Variants in MRPL19 observed in about 807,000 individuals in gnomAD.
MRPL19 encodes large ribosomal subunit protein bL19m.
A neutral mutation model predicts 34.0 loss-of-function variants in MRPL19; 31 were observed. That is an observed-to-expected ratio of 0.91 (90% confidence interval 0.68 to 1.23). The LOEUF (loss-of-function observed/expected upper bound fraction) is 1.23, where lower values mean the gene tolerates loss of function less well. MRPL19 is among the 50% of genes most tolerant of loss of function. The pLI, the probability that MRPL19 is intolerant of heterozygous loss-of-function variation, is 0.00. For missense variants in MRPL19, 384 were observed against 367.6 expected (o/e 1.04, Z -0.37); for synonymous variants, 152 against 127.7 (o/e 1.19, Z -1.28).
chr2:75,652,455 C>T, intron 3 of MRPL19, 68 bp from the exon 4 acceptor site: 1 of 1,541,964 alleles, frequency 6.5e-7, no homozygotes, highest in South Asian at 1.2e-5. Flanking sequence ...GTTTCTGCAT[C>T]TTATATAAAG....
chr2:75,647,193 G>T lies in MRPL19; in HGVS notation c.195G>T (p.Lys65Asn). Residue 65 changes from lysine to asparagine, a missense_variant, in exon 2 of 6, where the codon AAG becomes AAT. Lys to Asn is a moderately conservative substitution (Grantham distance 94). Coordinates refer to ENST00000393909, the MANE Select transcript of MRPL19 (RefSeq NM_014763.4). ...QPPPKPVIVD[K>N]HRPVEPERRF... ...CGCCGAAACCGGTCATCGTGGACAA[G>T]CACCGCCCCGTGGAACCGGAACGCA... The T allele has an allele frequency of 6.3e-7, 1 of 1,580,718 alleles. No individual in the cohort carries two copies. The highest frequency in any genetic ancestry group is 1.2e-5 in the South Asian group (1 of 86,226).
rs562918315 is a variant in MRPL19, at chr2:75,654,675, T to A, written c.476-61T>A. The A allele has an allele frequency of 2.0e-6, 3 of 1,483,730 alleles. No individual in the cohort carries two copies. The South Asian group carries it at 3.9e-5, about 19-fold the overall frequency. The allele number at this position is 1,483,730 out of a possible 1,614,324, so 91.9% of individuals were successfully genotyped here. On this transcript the variant is annotated intron_variant, in intron 4 of 5. Transcript: ENST00000393909. ...CCTTTATGAAATGCTTTTACTGCAG[T>A]ATGAAACATGTATAGGAACGTGGAC...
At chr2:75,650,583 G>C (rs561226334) in intron 2 of MRPL19, among the ~76,000 whole-genome samples, 1 of 152,182 alleles carries the variant, frequency 6.6e-6, no homozygotes, top group East Asian at 1.9e-4. Flanking sequence ...GGCCAGAGGA[G>C]AAAAGGAAGG....
chr2:75,653,190 A>G (rs970653865), intron 4 of MRPL19, among the ~76,000 whole-genome samples: 1 of 152,256 alleles, frequency 6.6e-6, no homozygotes, highest in African/African-American at 2.4e-5. Flanking sequence ...TTATTAATTA[A>G]AATGGCAGGA....
At chr2:75,650,936 A>G (rs1454816538) in intron 2 of MRPL19, among the ~76,000 whole-genome samples, 1 of 152,132 alleles carries the variant, frequency 6.6e-6, no homozygotes, top group Non-Finnish European at 1.5e-5. Flanking sequence ...GCAAGGAAGC[A>G]CACTAGAAAG....
rs1678487626 is a variant in MRPL19 at position 75,657,555 on chromosome 2, G to C, written c.*2270G>C. On this transcript the variant is annotated 3_prime_UTR_variant, in exon 6 of 6. Coordinates refer to ENST00000393909, the MANE Select transcript of MRPL19 (RefSeq NM_014763.4). Reference sequence around the variant, plus strand: ...CTCAAAAGAACCTCTCAAAATAAAAGGTTAACAAGAGCCTATATCTTATAT... The same window carrying C: ...CTCAAAAGAACCTCTCAAAATAAAACGTTAACAAGAGCCTATATCTTATAT... The C allele has an allele frequency of 6.6e-6, 1 of 152,078 alleles. No individual in the cohort carries two copies. The highest frequency in any genetic ancestry group is 1.5e-5 in the Non-Finnish European group (1 of 67,986). 9.4% of individuals were successfully genotyped at this position (152,078 alleles called of 1,614,324 possible).
intron 2 of MRPL19, chr2:75,651,463 G>C: frequency 1.9e-6 from 1 of 533,272 alleles, no homozygotes; most frequent in Non-Finnish European, 3.8e-6. Context: ...TCCATCAAAG[G>C]AAGAGCTAGT....
At position 75,652,137 on chromosome 2, in the gene MRPL19, T is replaced by C. The variant is rs761258244; in HGVS notation, c.222-5T>C. ...CTTTTAATTATTTATTTGTATTTTTTACAGGTTCTTGAGTCCTGAATTCAT... is the reference window on the plus strand; with the variant it reads ...CTTTTAATTATTTATTTGTATTTTTCACAGGTTCTTGAGTCCTGAATTCAT... On this transcript the variant is annotated splice_polypyrimidine_tract_variant and splice_region_variant and intron_variant, in intron 2 of 5. Transcript: ENST00000393909. The C allele has an allele frequency of 5.3e-6, 8 of 1,496,176 alleles. No homozygotes were observed. The South Asian group carries it at 1.0e-4, about 19-fold the overall frequency. The allele number at this position is 1,496,176 out of a possible 1,614,324, so 92.7% of individuals were successfully genotyped here. A position where few individuals can be genotyped will look rare whatever the true frequency, so the allele number is the denominator to read the frequency against.
rs568040462 is a variant in MRPL19, at chr2:75,648,502, CA to C, written c.221+1286del. On this transcript the variant is annotated intron_variant, in intron 2 of 5. Transcript: ENST00000393909. ...CACTTTTAAACATGGAAGATTTTCA[CA>C]AATCTGTGTGTAAAAAAAACCTTTA... Among the ~76,000 whole-genome samples the C allele has an allele frequency of 1.8e-3, 270 of 152,106 alleles. 1 individual carries two copies. The highest frequency in any genetic ancestry group is 0.01 in the Middle Eastern group (3 of 294).
Position 75,658,117 on chromosome 2 carries a change from C to G in MRPL19, c.*2832C>G, listed in dbSNP as rs1166367574. On this transcript the variant is annotated 3_prime_UTR_variant, in exon 6 of 6. Coordinates refer to ENST00000393909, the MANE Select transcript of MRPL19 (RefSeq NM_014763.4). ...TGAGACAAGGTCTCATTCTATCACT[C>G]AGGTAGGAGTGCAGTGGTGTGATCA... Among the ~76,000 whole-genome samples the G allele has an allele frequency of 6.6e-6, 1 of 152,086 alleles. No individual in the cohort carries two copies. The highest frequency in any genetic ancestry group is 2.4e-5 in the African/African-American group (1 of 41,410).
At chr2:75,652,052 A>G in intron 2 of MRPL19, 90 bp from the exon 3 acceptor site, 3 of 682,394 alleles carry the variant, frequency 4.4e-6, no homozygotes, top group South Asian at 4.6e-5. Context: ...AAATACATCA[A>G]TATCATATTT....
Position 75,659,189 on chromosome 2 carries a change from G to A in MRPL19, c.*3904G>A, listed in dbSNP as rs771152608. ...ATATTTGTTAGATGTTTTATTTGTG[G>A]TTGCTATGGGGATTATAGTTAACAT... is the stretch of plus-strand genomic sequence containing the variant. On this transcript the variant is annotated 3_prime_UTR_variant, in exon 6 of 6. Coordinates refer to ENST00000393909, the MANE Select transcript of MRPL19 (RefSeq NM_014763.4). Among the ~76,000 whole-genome samples, 2 of 151,368 alleles carry A rather than the reference G, an allele frequency of 1.3e-5. No individual in the cohort carries two copies. Among genetic ancestry groups the A allele is most frequent in the Non-Finnish European group, 2.9e-5 (2 of 67,856 alleles).
intron 4 of MRPL19, among the ~76,000 whole-genome samples, chr2:75,654,059 G>C (rs951854017): frequency 4.6e-5 from 7 of 152,134 alleles, no homozygotes; most frequent in Admixed American, 3.9e-4. Context: ...AATGCTACAG[G>C]CTGGGTAATT....
chr2:75,649,218 C>G (rs1050512832), intron 2 of MRPL19, among the ~76,000 whole-genome samples: 1 of 152,110 alleles, frequency 6.6e-6, no homozygotes, highest in African/African-American at 2.4e-5. Context: ...GACTAATGAC[C>G]AAATATGTGT....
intron 4 of MRPL19, among the ~76,000 whole-genome samples, chr2:75,654,389 C>T (rs1678392518): frequency 6.6e-6 from 1 of 152,116 alleles, no homozygotes; most frequent in African/African-American, 2.4e-5. Flanking sequence ...GATTTTTCTT[C>T]AAGTAATTGG....
Position 75,647,175 on chromosome 2 carries a change from AC to A in MRPL19, c.179del (p.Pro60ArgfsTer17), listed in dbSNP as rs753263546. On this transcript the variant is annotated frameshift_variant, in exon 2 of 6. Transcript: ENST00000393909. LOFTEE classifies it high-confidence loss of function. ...CCGGTGCGTTCCAACCGCCGCCGAA[AC>A]CGGTCATCGTGGACAAGCACCGCCC... ...EPGAFQPPPK[P>X]VIVDKHRPVE... 1 of 1,580,542 alleles carries A rather than the reference AC, an allele frequency of 6.3e-7. No individual in the cohort carries two copies. Among genetic ancestry groups the A allele is most frequent in the South Asian group, 1.2e-5 (1 of 86,290 alleles).
Position 75,657,207 on chromosome 2 carries a change from G to A in MRPL19, c.*1922G>A, listed in dbSNP as rs1261514962. ...TGATAATCTTTGGCTGTCTTCTTATGGTTGAAAGAGGGACTAAAAAGCTTG... is the reference window on the plus strand; with the variant it reads ...TGATAATCTTTGGCTGTCTTCTTATAGTTGAAAGAGGGACTAAAAAGCTTG... On this transcript the variant is annotated 3_prime_UTR_variant, in exon 6 of 6. Transcript: ENST00000393909. 1 of 151,836 alleles carries A rather than the reference G, an allele frequency of 6.6e-6. No homozygotes were observed. Among genetic ancestry groups the A allele is most frequent in the East Asian group, 1.9e-4 (1 of 5,176 alleles). The allele number at this position is 151,836 out of a possible 1,614,324, so 9.4% of individuals were successfully genotyped here.
chr2:75,650,457 A>G (rs1678308006), intron 2 of MRPL19, among the ~76,000 whole-genome samples: 1 of 152,148 alleles, frequency 6.6e-6, no homozygotes, highest in Non-Finnish European at 1.5e-5. Flanking sequence ...CAAAACGGGG[A>G]CACTAACAGG....
chr2:75,649,214 T>C (rs7588016), intron 2 of MRPL19, among the ~76,000 whole-genome samples: 11,857 of 152,286 alleles, frequency 0.078, 997 homozygotes, highest in African/African-American at 0.19. Context: ...GAGAGACTAA[T>C]GACCAAATAT....
Sources: gnomAD v4.1 joint callset for allele counts (sites outside exome capture counted in the v4.1 genomes callset) on GRCh38, gnomAD v4.1.1 for gene constraint, MANE v1.5 for transcripts, NCBI Gene and HGNC (gene_info 2026-07-23, HGNC 2026-07-21) for gene names.